BRAF: variants seen among roughly 807,000 people sequenced by gnomAD.
The protein encoded by BRAF is B-Raf proto-oncogene, serine/threonine kinase, also known as serine/threonine-protein kinase B-raf.
A neutral mutation model predicts 104.6 loss-of-function variants in BRAF; 16 were observed. The observed-to-expected ratio is 0.15, with a 90% CI of 0.10 to 0.23. The LOEUF (loss-of-function observed/expected upper bound fraction) is 0.23, where lower values mean the gene tolerates loss of function less well. BRAF is among the 10% of genes least tolerant of loss of function. The probability of loss-of-function intolerance (pLI) is 1.00; values close to 1 mark genes in which losing one functional copy is unlikely to be tolerated. For missense variants in BRAF, 541 were observed against 937.3 expected (o/e 0.58, Z 5.52); for synonymous variants, 310 against 341.6 (o/e 0.91, Z 1.02).
At chr7:140,907,813 C>A (rs1316496363) in intron 1 of BRAF, among the ~76,000 whole-genome samples, 1 of 151,706 alleles carries the variant, frequency 6.6e-6, no homozygotes, top group African/African-American at 2.4e-5. Flanking sequence ...GGTGCCATCT[C>A]GGCTCACTAC....
chr7:140,850,971 C>T (rs766482753), intron 1 of BRAF, among the ~76,000 whole-genome samples: 17 of 151,984 alleles, frequency 1.1e-4, no homozygotes, highest in South Asian at 4.2e-4. Context: ...CATTCTGAGA[C>T]GTATAAATTC....
At chr7:140,909,339 C>T (rs897615118) in intron 1 of BRAF, among the ~76,000 whole-genome samples, 1 of 152,114 alleles carries the variant, frequency 6.6e-6, no homozygotes, top group African/African-American at 2.4e-5. Flanking sequence ...GCAGGAGAAT[C>T]GCTTGAACCC....
Position 140,794,291 on chromosome 7 carries a change from C to A in BRAF, c.1140+17G>T, listed in dbSNP as rs2129037904. ...ATACTTGGTTTTTTTTTAGTTCTAG[C>A]AATGCTGGATACTTACATCAATATT... On this transcript the variant is annotated intron_variant, in intron 8 of 19. Transcript: ENST00000644969. 1 of 1,613,314 alleles carries A rather than the reference C, an allele frequency of 6.2e-7. No individual in the cohort carries two copies. Among genetic ancestry groups the A allele is most frequent in the Non-Finnish European group, 8.5e-7 (1 of 1,179,776 alleles).
intron 1 of BRAF, among the ~76,000 whole-genome samples, chr7:140,853,331 C>T (rs1404329245): frequency 4.6e-5 from 7 of 151,814 alleles, no homozygotes; most frequent in African/African-American, 1.2e-4. Context: ...GAGCTGTGAT[C>T]GCGCCACCCC....
intron 1 of BRAF, among the ~76,000 whole-genome samples, chr7:140,884,471 GTGTGTA>G (rs1433081414): frequency 7.4e-6 from 1 of 135,482 alleles, no homozygotes; most frequent in Non-Finnish European, 1.6e-5. Flanking sequence ...GTGTGTGTGT[GTGTGTA>G]TAAAAATATA....
At chr7:140,877,767 C>T (rs1812432487) in intron 1 of BRAF, among the ~76,000 whole-genome samples, 1 of 151,932 alleles carries the variant, frequency 6.6e-6, no homozygotes, top group Admixed American at 6.6e-5. Context: ...GAACCAATTC[C>T]TCAAAAACCA....
At chr7:140,781,229 C>T (rs552896422) in intron 12 of BRAF, 158 of 298,744 alleles carry the variant, frequency 5.3e-4, no homozygotes, top group African/African-American at 3.1e-3. Flanking sequence ...CTGCGCCCAG[C>T]CATTAAGTAC....
At chr7:140,899,909 A>G (rs1324044622) in intron 1 of BRAF, among the ~76,000 whole-genome samples, 1 of 152,190 alleles carries the variant, frequency 6.6e-6, no homozygotes, top group Non-Finnish European at 1.5e-5. Context: ...GCCACTTCCA[A>G]GACTAAAATA....
intron 14 of BRAF, among the ~76,000 whole-genome samples, chr7:140,757,732 C>T (rs1033532518): frequency 3.3e-5 from 5 of 152,080 alleles, no homozygotes; most frequent in African/African-American, 7.2e-5. Flanking sequence ...AAGAGTCTTA[C>T]GTGAGAGCTG....
In BRAF at chr7:140,719,717, GAAAAATAAGCTTT is replaced by G; in HGVS notation, c.*6764_*6776del. 1.9e-6 allele frequency: 2 copies of G among 1,061,130 alleles called. No homozygotes were observed. Among genetic ancestry groups the G allele is most frequent in the Non-Finnish European group, 2.3e-6 (2 of 876,450 alleles). 65.7% of individuals were successfully genotyped at this position (1,061,130 alleles called of 1,614,324 possible). ...AAAATAAATGTCTTTTTTATGAATT[GAAAAATAAGCTTT>G]AAAAATAGTTACTCCATTGTAATTT... is the stretch of plus-strand genomic sequence containing the variant. On this transcript the variant is annotated 3_prime_UTR_variant, in exon 20 of 20. Transcript: ENST00000644969.
chr7:140,849,818 A>C, intron 2 of BRAF, among the ~76,000 whole-genome samples: 1 of 136,410 alleles, frequency 7.3e-6, no homozygotes, highest in Non-Finnish European at 1.7e-5. Context: ...TCTCAAAAAA[A>C]AATAAATAAA....
chr7:140,836,398 T>C (rs1248261696), intron 2 of BRAF, among the ~76,000 whole-genome samples: 1 of 151,896 alleles, frequency 6.6e-6, no homozygotes, highest in African/African-American at 2.4e-5. Context: ...AATTATAAAA[T>C]GTAGAGGAGA....
chr7:140,801,742 A>G (rs1430833788), intron 5 of BRAF, among the ~76,000 whole-genome samples, 182 bp from the exon 6 acceptor site: 2 of 152,190 alleles, frequency 1.3e-5, no homozygotes, highest in African/African-American at 2.4e-5. Context: ...GACTACACAT[A>G]TTTATTTCCC....
At chr7:140,919,830 G>GTTTTT (rs71522121) in intron 1 of BRAF, among the ~76,000 whole-genome samples, 1 of 148,290 alleles carries the variant, frequency 6.7e-6, no homozygotes, top group Non-Finnish European at 1.5e-5. Context: ...AAGTTTTTTT[G>GTTTTT]TTTTTTTTTT....
In BRAF at chr7:140,765,017, C is replaced by G. The variant is rs557596853; in HGVS notation, c.1815-10784G>C. 1.1e-4 allele frequency among the ~76,000 whole-genome samples: 16 copies of G among 152,316 alleles called. No individual in the cohort carries two copies. In the South Asian group the frequency reaches 1.5e-3, roughly 14 times the overall value. Reference sequence around the variant, plus strand: ...GCAATCCTAAGCCAAAAGCACAAAGCTGGAGGCATCACACTACCTGACTGC... The same window carrying G: ...GCAATCCTAAGCCAAAAGCACAAAGGTGGAGGCATCACACTACCTGACTGC... On this transcript the variant is annotated intron_variant, in intron 14 of 19. Transcript: ENST00000644969.
intron 7 of BRAF, among the ~76,000 whole-genome samples, chr7:140,795,032 A>T (rs769379123): frequency 1.3e-5 from 2 of 152,164 alleles, no homozygotes; most frequent in Non-Finnish European, 2.9e-5. Context: ...AATATCTCTC[A>T]TATTCTGGAT....
At chr7:140,765,648 C>T (rs2129010349) in intron 14 of BRAF, among the ~76,000 whole-genome samples, 1 of 152,030 alleles carries the variant, frequency 6.6e-6, no homozygotes, top group African/African-American at 2.4e-5. Context: ...AGGACATGAA[C>T]AGACACTTCT....
intron 14 of BRAF, among the ~76,000 whole-genome samples, chr7:140,759,681 C>T (rs577638780): frequency 1.3e-5 from 2 of 152,300 alleles, no homozygotes; most frequent in Admixed American, 6.5e-5. Context: ...CCACCACACC[C>T]GGCCCTGATT....
chr7:140,893,938 C>T (rs1395440790), intron 1 of BRAF, among the ~76,000 whole-genome samples: 4 of 152,054 alleles, frequency 2.6e-5, no homozygotes, highest in African/African-American at 9.7e-5. Context: ...TTGAGACCAG[C>T]CTGGTCAACA....
Sources: allele counts gnomAD v4.1 joint callset (sites outside exome capture counted in the v4.1 genomes callset), GRCh38; gene constraint gnomAD v4.1.1; transcripts MANE v1.5; gene names NCBI Gene and HGNC (gene_info 2026-07-23, HGNC 2026-07-21).